BMP2K: variants seen among roughly 807,000 people sequenced by gnomAD.
The protein encoded by BMP2K is BMP2 inducible kinase.
BMP2K carries 74 observed loss-of-function variants against 116.0 expected under a neutral mutation model. That is an observed-to-expected ratio of 0.64 (90% CI 0.53 to 0.77). The LOEUF (loss-of-function observed/expected upper bound fraction) is 0.77. Ranked by LOEUF, BMP2K falls within the 30% of genes least tolerant of loss-of-function variation. The pLI is 0.00. For missense variants in BMP2K, 1,365 were observed against 1,403.6 expected (o/e 0.97, Z 0.44); for synonymous variants, 486 against 502.5 (o/e 0.97, Z 0.44).
intron 1 of BMP2K, among the ~76,000 whole-genome samples, chr4:78,809,351 A>C (rs1306447280): frequency 6.6e-6 from 1 of 151,682 alleles, no homozygotes; most frequent in Non-Finnish European, 1.5e-5. Context: ...TTTAATCTAA[A>C]GTGTTTTTTT....
intron 10 of BMP2K, among the ~76,000 whole-genome samples, chr4:78,868,031 G>A (rs1173273773): frequency 6.6e-6 from 1 of 152,168 alleles, no homozygotes; most frequent in East Asian, 1.9e-4. Context: ...CTGCACTCCA[G>A]GCTGGGCAAC....
rs759468953 is a variant in BMP2K at position 78,887,296 on chromosome 4, A to G, written c.2062+12A>G. On this transcript the variant is annotated intron_variant, in intron 15 of 15. Transcript: ENST00000502613. ...CATTTCTCATTCAGGCAAGTTACAC[A>G]TGTAACATCATCACTGTCACAAATA... 8 of 1,541,092 alleles carry G rather than the reference A, an allele frequency of 5.2e-6. No individual in the cohort carries two copies. In the Admixed American group the frequency reaches 1.1e-4, roughly 20 times the overall value.
At chr4:78,891,973 A>G (rs1430708551) in intron 15 of BMP2K, among the ~76,000 whole-genome samples, 1 of 152,202 alleles carries the variant, frequency 6.6e-6, no homozygotes, top group Non-Finnish European at 1.5e-5. Flanking sequence ...AACCTAGTTG[A>G]CCATGATTTC....
rs772850198 is a variant in BMP2K, at chr4:78,912,026, A to C, written c.3479A>C (p.Lys1160Thr). Reference protein sequence around the residue: ...DPFGAAPFPSKQ With the variant: ...DPFGAAPFPSTQ ...TTTGGTGCTGCTCCATTTCCTTCTAAACAGTAGATACTTCTGATGGATTCT... is the reference window on the plus strand; with the variant it reads ...TTTGGTGCTGCTCCATTTCCTTCTACACAGTAGATACTTCTGATGGATTCT... Residue 1160 changes from lysine (K) to threonine (T), a missense_variant, in exon 16 of 16, where the codon AAA (lysine) becomes ACA (threonine). This residue lies in a region of BMP2K where 596 missense variants were observed against 623.2 expected (regional missense o/e 0.96). Transcript: ENST00000502613. 1.1e-5 allele frequency: 17 copies of C among 1,603,866 alleles called. No individual in the cohort carries two copies. The African/African-American group carries it at 1.3e-4, about 13-fold the overall frequency.
At chr4:78,909,741 T>C (rs1427022167) in intron 15 of BMP2K, among the ~76,000 whole-genome samples, 1 of 152,202 alleles carries the variant, frequency 6.6e-6, no homozygotes, top group African/African-American at 2.4e-5. Flanking sequence ...TTCCCTGCTG[T>C]CCTTTATTTC....
chr4:78,905,416 T>C (rs1298378437), intron 15 of BMP2K, among the ~76,000 whole-genome samples: 1 of 151,852 alleles, frequency 6.6e-6, no homozygotes, highest in African/African-American at 2.4e-5. Flanking sequence ...AATACATTAC[T>C]TAGAGCCAAA....
intron 14 of BMP2K, 41 bp downstream of exon 14, chr4:78,878,932 T>C (rs1479685198): frequency 1.3e-6 from 2 of 1,588,246 alleles, no homozygotes; most frequent in Non-Finnish European, 8.5e-7. Flanking sequence ...CACAGTAAAA[T>C]AACAGCTCTA....
At chr4:78,823,105 T>C (rs1729700775) in intron 1 of BMP2K, among the ~76,000 whole-genome samples, 2 of 152,186 alleles carry the variant, frequency 1.3e-5, no homozygotes, top group Admixed American at 1.3e-4. Flanking sequence ...TAGAATTTCT[T>C]TCTTGAAGTT....
chr4:78,879,287 G>A (rs1253444764), intron 14 of BMP2K: 11 of 997,832 alleles, frequency 1.1e-5, no homozygotes, highest in Non-Finnish European at 1.3e-5. Flanking sequence ...TTGTGGGTCT[G>A]AGATGCCCTT....
chr4:78,831,779 TA>T (rs530676928), intron 2 of BMP2K, among the ~76,000 whole-genome samples: 1 of 152,166 alleles, frequency 6.6e-6, no homozygotes, highest in Non-Finnish European at 1.5e-5. Context: ...CCTAAGTAGT[TA>T]AAAAAATGTA....
At chr4:78,832,769 G>A (rs1730272075) in intron 2 of BMP2K, among the ~76,000 whole-genome samples, 1 of 151,940 alleles carries the variant, frequency 6.6e-6, no homozygotes, top group African/African-American at 2.4e-5. Context: ...TAGAATGGTG[G>A]TCTGTCAACT....
At chr4:78,850,784 T>TA in intron 6 of BMP2K, 140 bp from the exon 7 acceptor site, 1 of 715,520 alleles carries the variant, frequency 1.4e-6, no homozygotes, top group South Asian at 3.0e-5. Context: ...TTAAATATAT[T>TA]AATTTTTTTA....
chr4:78,895,918 C>T (rs749613788), intron 15 of BMP2K, among the ~76,000 whole-genome samples: 3 of 151,902 alleles, frequency 2.0e-5, no homozygotes, highest in Admixed American at 6.6e-5. Flanking sequence ...GAAGCTACCT[C>T]GCCCAGCTAA....
chr4:78,881,827 A>G (rs1027292553), intron 14 of BMP2K, among the ~76,000 whole-genome samples: 1 of 152,032 alleles, frequency 6.6e-6, no homozygotes, highest in Admixed American at 6.5e-5. Flanking sequence ...AATTTTGCCC[A>G]TCAGTATAAT....
At chr4:78,823,544 A>G (rs1729731617) in intron 1 of BMP2K, among the ~76,000 whole-genome samples, 1 of 147,648 alleles carries the variant, frequency 6.8e-6, no homozygotes, top group Non-Finnish European at 1.5e-5. Context: ...ATGGTTATAT[A>G]TATAGTTATA....
At chr4:78,796,873 C>G (rs1173250190) in intron 1 of BMP2K, among the ~76,000 whole-genome samples, 1 of 152,008 alleles carries the variant, frequency 6.6e-6, no homozygotes, top group Non-Finnish European at 1.5e-5. Flanking sequence ...GTTATTACTT[C>G]TAAAATGTGA....
chr4:78,817,343 G>A (rs1041802285), intron 1 of BMP2K, among the ~76,000 whole-genome samples: 2 of 152,180 alleles, frequency 1.3e-5, no homozygotes, highest in Non-Finnish European at 1.5e-5. Flanking sequence ...AGTCTTAGGG[G>A]TCATCTGTAC....
At chr4:78,828,736 G>A (rs76915958) in intron 2 of BMP2K, among the ~76,000 whole-genome samples, 1,791 of 152,280 alleles carry the variant, frequency 0.012, 11 homozygotes, top group Non-Finnish European at 0.02. Context: ...ATGTACAATA[G>A]CATTATGCCT....
At position 78,887,431 on chromosome 4, in the gene BMP2K, A is replaced by AATG. The variant is rs1733156716; in HGVS notation, c.2062+151_2062+153dup. The AATG allele has an allele frequency of 1.4e-5, 9 of 647,226 alleles. No homozygotes were observed. The South Asian group carries it at 1.7e-4, about 12-fold the overall frequency. The allele number at this position is 647,226 out of a possible 1,614,324, so 40.1% of individuals were successfully genotyped here. The stretch of plus-strand genomic sequence containing the variant: ...AACCTTTAGCCATCCTACTCTTCTT[A>AATG]ATGATGTTCTTTGCATTGAGTTATT... On this transcript the variant is annotated intron_variant, in intron 15 of 15. Transcript: ENST00000502613.
Sources: gnomAD v4.1 joint callset for allele counts (sites outside exome capture counted in the v4.1 genomes callset) on GRCh38, gnomAD v4.1.1 for gene constraint, gnomAD v4.1.1 regional missense constraint, MANE v1.5 for transcripts, NCBI Gene and HGNC (gene_info 2026-07-23, HGNC 2026-07-21) for gene names.